TAFA1: variants seen among roughly 807,000 people sequenced by gnomAD.
TAFA1 encodes chemokine-like protein TAFA-1.
In TAFA1, 4 loss-of-function variants were observed where a neutral mutation model predicts 18.5. The ratio of observed to expected loss-of-function variants is 0.22; its 90% CI spans 0.11 to 0.49. The LOEUF (loss-of-function observed/expected upper bound fraction) is 0.49. Ranked by LOEUF, TAFA1 falls within the 20% of genes least tolerant of loss-of-function variation. The pLI is 0.98. For missense variants in TAFA1, 147 were observed against 169.0 expected (o/e 0.87, Z 0.72); for synonymous variants, 56 against 55.2 (o/e 1.01, Z -0.06).
intron 2 of TAFA1, among the ~76,000 whole-genome samples, chr3:68,399,873 G>A (rs1258736934): frequency 6.6e-6 from 1 of 152,142 alleles, no homozygotes; most frequent in African/African-American, 2.4e-5. Context: ...ATTGGATCTA[G>A]TGCTCAAAGG....
intron 3 of TAFA1, among the ~76,000 whole-genome samples, chr3:68,515,035 T>C (rs1453154806): frequency 6.6e-6 from 1 of 152,148 alleles, no homozygotes; most frequent in Non-Finnish European, 1.5e-5. Flanking sequence ...AGCTGGTGAC[T>C]GAATTGGTTG....
intron 2 of TAFA1, among the ~76,000 whole-genome samples, chr3:68,120,206 TTTCTTTCTTTCTTTC>T (rs2106857364): frequency 8.9e-6 from 1 of 111,788 alleles, no homozygotes; most frequent in Admixed American, 9.7e-5. Context: ...TCTTTCTTTC[TTTCTTTCTTTCTTTC>T]TTTCTTTCTT....
At chr3:68,080,356 A>G (rs564987187) in intron 2 of TAFA1, among the ~76,000 whole-genome samples, 1 of 151,674 alleles carries the variant, frequency 6.6e-6, no homozygotes, top group Non-Finnish European at 1.5e-5. Flanking sequence ...TCCTGTCATT[A>G]TGAGGTTAGC....
At chr3:68,329,046 C>T (rs988833135) in intron 2 of TAFA1, among the ~76,000 whole-genome samples, 2 of 151,274 alleles carry the variant, frequency 1.3e-5, no homozygotes, top group African/African-American at 4.9e-5. Flanking sequence ...CTCTCCCAAG[C>T]CTCCTTAGAG....
intron 2 of TAFA1, among the ~76,000 whole-genome samples, chr3:68,059,959 C>T (rs186884112): frequency 5.3e-5 from 8 of 152,080 alleles, no homozygotes; most frequent in Admixed American, 2.0e-4. Flanking sequence ...GCCTCCTCCT[C>T]TGGGGGCTAG....
intron 2 of TAFA1, among the ~76,000 whole-genome samples, chr3:68,210,538 A>G (rs2066583607): frequency 2.0e-5 from 3 of 152,046 alleles, no homozygotes; most frequent in African/African-American, 4.8e-5. Flanking sequence ...GTCTAGCATA[A>G]TGAAGGGAAT....
chr3:68,407,138 C>G (rs781547603), intron 2 of TAFA1, among the ~76,000 whole-genome samples: 113 of 151,982 alleles, frequency 7.4e-4, no homozygotes, highest in Middle Eastern at 3.4e-3. Context: ...GTAGTCCATA[C>G]TGGTGAAAAA....
intron 2 of TAFA1, among the ~76,000 whole-genome samples, chr3:68,062,370 A>G (rs1347258826): frequency 1.3e-5 from 2 of 152,208 alleles, no homozygotes; most frequent in African/African-American, 2.4e-5. Context: ...CAAATCTTTC[A>G]AAGAGATGCC....
chr3:68,075,976 C>A (rs2064818404), intron 2 of TAFA1, among the ~76,000 whole-genome samples: 1 of 152,196 alleles, frequency 6.6e-6, no homozygotes, highest in Non-Finnish European at 1.5e-5. Context: ...GGATTACAGG[C>A]ATTAGCCTCT....
intron 3 of TAFA1, among the ~76,000 whole-genome samples, chr3:68,520,216 TCTTC>T (rs2072998903): frequency 1.3e-5 from 2 of 152,188 alleles, no homozygotes; most frequent in African/African-American, 4.8e-5. Context: ...TTTAGACCTG[TCTTC>T]TCCACAAATT....
intron 3 of TAFA1, among the ~76,000 whole-genome samples, chr3:68,514,864 C>T (rs1292971680): frequency 6.6e-6 from 1 of 152,068 alleles, no homozygotes; most frequent in Admixed American, 6.5e-5. Flanking sequence ...ATGACAGCCC[C>T]AAAATTAGTA....
chr3:68,226,679 C>T (rs564407751), intron 2 of TAFA1, among the ~76,000 whole-genome samples: 1 of 152,294 alleles, frequency 6.6e-6, no homozygotes, highest in Admixed American at 6.5e-5. Context: ...TATTATACTA[C>T]TTAAGACTCT....
chr3:68,113,828 T>C (rs1478644222), intron 2 of TAFA1, among the ~76,000 whole-genome samples: 1 of 151,608 alleles, frequency 6.6e-6, no homozygotes, highest in Non-Finnish European at 1.5e-5. Flanking sequence ...TAGAGTCTTG[T>C]GTAATTTGCT....
At chr3:68,501,247 C>A (rs1201600287) in intron 3 of TAFA1, among the ~76,000 whole-genome samples, 1 of 148,982 alleles carries the variant, frequency 6.7e-6, no homozygotes, top group East Asian at 2.0e-4. Context: ...ACTCTTAATT[C>A]TCTCATCTTT....
intron 2 of TAFA1, among the ~76,000 whole-genome samples, chr3:68,166,032 T>C (rs2065977950): frequency 1.3e-5 from 2 of 152,134 alleles, no homozygotes; most frequent in Admixed American, 1.3e-4. Context: ...AATTGAAAAG[T>C]GATGTGAGTA....
intron 2 of TAFA1, among the ~76,000 whole-genome samples, chr3:68,277,690 A>G (rs1268691498): frequency 1.3e-5 from 2 of 152,210 alleles, no homozygotes. Flanking sequence ...TTCCAAAAAC[A>G]GATGTAATCC....
intron 3 of TAFA1, among the ~76,000 whole-genome samples, chr3:68,517,059 C>A (rs959009578): frequency 1.2e-4 from 18 of 152,282 alleles, no homozygotes; most frequent in Admixed American, 2.6e-4. Flanking sequence ...CAGACGTGAG[C>A]CACCGCGCCT....
chr3:67,993,441 G>A, the TAFA1 span, among the ~76,000 whole-genome samples: 1 of 152,202 alleles, frequency 6.6e-6, no homozygotes, highest in Non-Finnish European at 1.5e-5. Context: ...ATTTTCCAAT[G>A]ATCTGGGAAA....
chr3:68,028,896 A>G lies in TAFA1; in HGVS notation c.118+22152A>G, dbSNP rs1704874483. Among the ~76,000 whole-genome samples the G allele has an allele frequency of 2.0e-5, 3 of 151,922 alleles. No homozygotes were observed. In the South Asian group the frequency reaches 6.2e-4, roughly 32 times the overall value. ...AGCCTCCTGAGTAGCTGAGACTACA[A>G]GCTCATGCCATCACACCTGGCTGAT... On this transcript the variant is annotated intron_variant, in intron 2 of 4. Coordinates refer to ENST00000478136, the MANE Select transcript of TAFA1 (RefSeq NM_213609.4).
Sources: gnomAD v4.1 joint callset for allele counts (sites outside exome capture counted in the v4.1 genomes callset) on GRCh38, gnomAD v4.1.1 for gene constraint, MANE v1.5 for transcripts, NCBI Gene and HGNC (gene_info 2026-07-23, HGNC 2026-07-21) for gene names.